The following PTPRD variants were observed in gnomAD, a reference collection of about 807,000 sequenced individuals.
The protein encoded by PTPRD is receptor-type tyrosine-protein phosphatase delta.
PTPRD carries 34 observed loss-of-function variants against 214.5 expected under a neutral mutation model. That is an observed-to-expected ratio of 0.16 (90% CI 0.12 to 0.21). The LOEUF (loss-of-function observed/expected upper bound fraction) is 0.21. Among genes scored for constraint, PTPRD ranks in the 10% least tolerant of loss-of-function variants. The pLI is 1.00. For synonymous variants in PTPRD, 1,128 were observed against 845.7 expected, an observed-to-expected ratio of 1.33 and a Z score of -5.79; for missense variants, 2,545 against 2,398.7, an observed-to-expected ratio of 1.06 and a Z score of -1.27.
intron 11 of PTPRD, among the ~76,000 whole-genome samples, chr9:8,766,408 G>T (rs560987892): frequency 6.6e-6 from 1 of 152,054 alleles, no homozygotes; most frequent in Non-Finnish European, 1.5e-5. Flanking sequence ...GCAGGGTCAG[G>T]TCCCCAATTT....
chr9:9,240,819 T>A (rs1394197673), intron 9 of PTPRD, among the ~76,000 whole-genome samples: 1 of 152,128 alleles, frequency 6.6e-6, no homozygotes, highest in African/African-American at 2.4e-5. Flanking sequence ...ACAACCAAAT[T>A]TTATCAATTT....
intron 4 of PTPRD, among the ~76,000 whole-genome samples, chr9:9,947,562 T>A (rs1261119730): frequency 7.6e-5 from 3 of 39,558 alleles, no homozygotes; most frequent in African/African-American, 1.7e-4. Context: ...TATATATATA[T>A]TTTATATATA....
intron 11 of PTPRD, among the ~76,000 whole-genome samples, chr9:8,739,150 G>C (rs1446917224): frequency 6.6e-6 from 1 of 152,228 alleles, no homozygotes; most frequent in East Asian, 1.9e-4. Flanking sequence ...AAGGAGGGGA[G>C]GGGCCTGGAG....
chr9:8,987,683 T>A (rs1048139927), intron 11 of PTPRD, among the ~76,000 whole-genome samples: 1 of 152,084 alleles, frequency 6.6e-6, no homozygotes, highest in Non-Finnish European at 1.5e-5. Flanking sequence ...ACACAATGAA[T>A]GTGGAAGTCA....
chr9:9,987,598 T>C (rs895200008), intron 4 of PTPRD, among the ~76,000 whole-genome samples: 1 of 152,132 alleles, frequency 6.6e-6, no homozygotes, highest in Non-Finnish European at 1.5e-5. Flanking sequence ...AGATGAGATT[T>C]GGGTGGGGAT....
At chr9:9,110,074 T>G (rs1288515295) in intron 10 of PTPRD, among the ~76,000 whole-genome samples, 1 of 152,100 alleles carries the variant, frequency 6.6e-6, no homozygotes, top group African/African-American at 2.4e-5. Flanking sequence ...CATGGCTCCT[T>G]TCACAGAAAA....
At chr9:9,787,772 TTTATTA>T (rs373362978) in intron 5 of PTPRD, among the ~76,000 whole-genome samples, 8 of 149,082 alleles carry the variant, frequency 5.4e-5, no homozygotes, top group South Asian at 2.1e-4. Flanking sequence ...CAATTTTTTA[TTTATTA>T]TTATTATTAT....
intron 9 of PTPRD, among the ~76,000 whole-genome samples, chr9:9,249,277 G>C (rs1569565681): frequency 6.6e-6 from 1 of 151,918 alleles, no homozygotes; most frequent in Non-Finnish European, 1.5e-5. Flanking sequence ...CATAAGTAAA[G>C]GCTACCTGAG....
intron 2 of PTPRD, among the ~76,000 whole-genome samples, chr9:10,392,456 T>G (rs1042419033): frequency 2.6e-5 from 4 of 151,920 alleles, no homozygotes; most frequent in African/African-American, 9.7e-5. Flanking sequence ...CTCTACTGCA[T>G]GAAATGCACC....
intron 8 of PTPRD, among the ~76,000 whole-genome samples, chr9:9,405,523 T>G (rs1327687852): frequency 1.3e-5 from 2 of 152,046 alleles, no homozygotes; most frequent in Non-Finnish European, 2.9e-5. Context: ...CATTCTGCTC[T>G]GGGGCATGCT....
intron 10 of PTPRD, among the ~76,000 whole-genome samples, chr9:9,070,768 A>G (rs324513): frequency 0.76 from 115,633 of 152,068 alleles, 44,200 homozygotes; most frequent in Non-Finnish European, 0.79. Context: ...TTCAGGATTT[A>G]CATTTATCAC....
rs1387482282 is a variant in PTPRD, at chr9:9,028,896, G to A, written c.-142-10161C>T. On this transcript the variant is annotated intron_variant, in intron 10 of 45. Coordinates refer to ENST00000381196, the MANE Select transcript of PTPRD (RefSeq NM_002839.4). ...ATTTAATTACGATCGAAGGAGAACA[G>A]ATAAAAAAAAGTAGAAGCATAAGCA... Among the ~76,000 whole-genome samples the A allele has an allele frequency of 2.6e-5, 4 of 151,514 alleles. No homozygotes were observed. The East Asian group carries it at 7.8e-4, about 30-fold the overall frequency.
intron 11 of PTPRD, among the ~76,000 whole-genome samples, chr9:8,845,260 T>C (rs1029094339): frequency 2.0e-5 from 3 of 152,204 alleles, no homozygotes; most frequent in African/African-American, 4.8e-5. Context: ...TTGAAAAAGT[T>C]TGCAAGGCCA....
chr9:10,559,658 A>G (rs1486391418), intron 2 of PTPRD, among the ~76,000 whole-genome samples: 1 of 152,276 alleles, frequency 6.6e-6, no homozygotes, highest in Non-Finnish European at 1.5e-5. Flanking sequence ...CAACCTACTC[A>G]CCTGAAAAAG....
intron 11 of PTPRD, among the ~76,000 whole-genome samples, chr9:8,908,914 T>C (rs565799329): frequency 4.0e-5 from 6 of 150,780 alleles, no homozygotes; most frequent in African/African-American, 1.5e-4. Flanking sequence ...AGCCTCATAA[T>C]TAAAAGGCTC....
Position 9,495,453 on chromosome 9 carries a change from A to G in PTPRD, c.-237+79279T>C, listed in dbSNP as rs963206245. Among the ~76,000 whole-genome samples the G allele has an allele frequency of 1.4e-4, 22 of 151,936 alleles. 1 individual carries two copies. The highest frequency in any genetic ancestry group is 5.1e-4 in the African/African-American group (21 of 41,356). On this transcript the variant is annotated intron_variant, in intron 8 of 45. Coordinates refer to ENST00000381196, the MANE Select transcript of PTPRD (RefSeq NM_002839.4). ...TGAATAATGCCTTTTTACCAATCAA[A>G]TGTTGCCTTTTCCAAAAACCCTACA...
chr9:9,905,378 C>T (rs548464494), intron 5 of PTPRD, among the ~76,000 whole-genome samples: 1 of 151,912 alleles, frequency 6.6e-6, no homozygotes, highest in South Asian at 2.1e-4. Flanking sequence ...CACTAAAGAG[C>T]ATATAAAATA....
intron 12 of PTPRD, among the ~76,000 whole-genome samples, chr9:8,688,483 T>G (rs1027586151): frequency 6.7e-6 from 1 of 149,872 alleles, no homozygotes; most frequent in Non-Finnish European, 1.5e-5. Context: ...GAGAATGGCA[T>G]GAACCCAGGA....
At chr9:10,569,606 G>C (rs987058181) in intron 2 of PTPRD, among the ~76,000 whole-genome samples, 1 of 151,256 alleles carries the variant, frequency 6.6e-6, no homozygotes, top group Non-Finnish European at 1.5e-5. Context: ...AATTAGGGTT[G>C]ATAAATTATT....
Sources: gnomAD v4.1 joint callset for allele counts (sites outside exome capture counted in the v4.1 genomes callset) on GRCh38, gnomAD v4.1.1 for gene constraint, MANE v1.5 for transcripts, NCBI Gene and HGNC (gene_info 2026-07-23, HGNC 2026-07-21) for gene names.